The following CELF4 variants were observed in gnomAD, a reference collection of about 807,000 sequenced individuals.
The protein encoded by CELF4 is CUG-BP- and ETR-3-like factor 4.
CELF4 carries 18 observed loss-of-function variants against 59.9 expected under a neutral mutation model. The observed-to-expected ratio is 0.30, with a 90% CI of 0.21 to 0.45. CELF4 has a LOEUF of 0.45. CELF4 is among the 20% of genes least tolerant of loss of function. CELF4 has a pLI of 1.00. For synonymous variants in CELF4, 261 were observed against 267.1 expected (o/e 0.98, Z 0.22); for missense variants, 456 against 689.0 (o/e 0.66, Z 3.79).
chr18:37,520,647 C>T (rs1226351385), intron 1 of CELF4, among the ~76,000 whole-genome samples: 2 of 152,040 alleles, frequency 1.3e-5, no homozygotes. Flanking sequence ...CTGGCTGGTT[C>T]CCGTAATCAA....
intron 2 of CELF4, among the ~76,000 whole-genome samples, chr18:37,443,557 C>T (rs1603641296): frequency 6.6e-6 from 1 of 152,288 alleles, no homozygotes; most frequent in East Asian, 1.9e-4. Context: ...AGGACAATGA[C>T]ATCATCAGTG....
intron 3 of CELF4, among the ~76,000 whole-genome samples, chr18:37,287,219 G>T (rs1044257915): frequency 6.6e-6 from 1 of 152,092 alleles, no homozygotes; most frequent in East Asian, 1.9e-4. Context: ...ATACCAACAT[G>T]CAGGCAGGGC....
intron 1 of CELF4, among the ~76,000 whole-genome samples, chr18:37,528,681 T>C (rs1283771398): frequency 2.0e-5 from 3 of 152,114 alleles, no homozygotes; most frequent in African/African-American, 7.2e-5. Flanking sequence ...CACAGGAAAC[T>C]GCACCTTCTG....
intron 1 of CELF4, among the ~76,000 whole-genome samples, chr18:37,510,544 C>T (rs1350628550): frequency 6.6e-6 from 1 of 152,224 alleles, no homozygotes; most frequent in Non-Finnish European, 1.5e-5. Flanking sequence ...CTCTACCTCA[C>T]CAGGATGGTC....
Position 37,482,000 on chromosome 18 carries a change from G to T in CELF4, c.369+3525C>A, listed in dbSNP as rs116735436. ...ATGTAGGTAAAGTGCTTGGCATCATGCCTGTCATATAGTAAGCACTTAAAA... is the reference window on the plus strand; with the variant it reads ...ATGTAGGTAAAGTGCTTGGCATCATTCCTGTCATATAGTAAGCACTTAAAA... On this transcript the variant is annotated intron_variant, in intron 2 of 12. Coordinates refer to ENST00000420428, the MANE Select transcript of CELF4 (RefSeq NM_020180.4). Among the ~76,000 whole-genome samples the T allele has an allele frequency of 3.5e-3, 539 of 152,358 alleles. 4 individuals carry two copies. The highest frequency in any genetic ancestry group is 0.012 in the African/African-American group (506 of 41,586).
intron 1 of CELF4, among the ~76,000 whole-genome samples, chr18:37,554,465 A>G (rs2099984184): frequency 6.6e-6 from 1 of 152,160 alleles, no homozygotes; most frequent in African/African-American, 2.4e-5. Flanking sequence ...TACCTCAAGC[A>G]GCCCCATCTC....
At chr18:37,546,063 A>T (rs898496515) in intron 1 of CELF4, among the ~76,000 whole-genome samples, 3 of 152,098 alleles carry the variant, frequency 2.0e-5, no homozygotes, top group Non-Finnish European at 2.9e-5. Context: ...CCTCAAAAAG[A>T]CACCCACGCT....
At chr18:37,262,441 G>C (rs1212676428) in intron 10 of CELF4, among the ~76,000 whole-genome samples, 5 of 152,274 alleles carry the variant, frequency 3.3e-5, no homozygotes, top group Non-Finnish European at 7.4e-5. Context: ...CAGAGATGGA[G>C]AGAAGGAATG....
chr18:37,285,539 G>A (rs1415531334), intron 3 of CELF4, among the ~76,000 whole-genome samples: 2 of 152,180 alleles, frequency 1.3e-5, no homozygotes, highest in African/African-American at 4.8e-5. Flanking sequence ...CCCTCTGGGG[G>A]GCCAGGAATG....
At chr18:37,376,698 T>G (rs1438834056) in intron 2 of CELF4, among the ~76,000 whole-genome samples, 5 of 152,232 alleles carry the variant, frequency 3.3e-5, no homozygotes, top group African/African-American at 1.2e-4. Flanking sequence ...GGCAAGGCCC[T>G]GGGGCCCCCA....
intron 2 of CELF4, among the ~76,000 whole-genome samples, chr18:37,411,472 A>C (rs1414065938): frequency 6.6e-6 from 1 of 152,150 alleles, no homozygotes; most frequent in African/African-American, 2.4e-5. Context: ...TGTGCATGGC[A>C]AGAAAAATAG....
intron 2 of CELF4, among the ~76,000 whole-genome samples, chr18:37,427,860 A>G: frequency 6.6e-6 from 1 of 152,188 alleles, no homozygotes; most frequent in Admixed American, 6.5e-5. Flanking sequence ...GGCACTGAAG[A>G]CCTGGGTCTC....
At chr18:37,256,264 A>G (rs565124582) in intron 11 of CELF4, among the ~76,000 whole-genome samples, 95 of 152,310 alleles carry the variant, frequency 6.2e-4, no homozygotes, top group Middle Eastern at 6.8e-3. Flanking sequence ...ACATAGGAAC[A>G]TTTGTGCTAG....
At chr18:37,442,623 G>A (rs545224981) in intron 2 of CELF4, among the ~76,000 whole-genome samples, 35 of 152,112 alleles carry the variant, frequency 2.3e-4, no homozygotes, top group Non-Finnish European at 4.3e-4. Flanking sequence ...GCGACTCCCG[G>A]GAAGGTTGCT....
At chr18:37,465,388 C>T (rs1216642207) in intron 2 of CELF4, among the ~76,000 whole-genome samples, 68 of 152,186 alleles carry the variant, frequency 4.5e-4, no homozygotes, top group Admixed American at 4.4e-3. Context: ...TAGCTTAATG[C>T]TCTTCCAGGG....
Position 37,267,959 on chromosome 18 carries a change from C to T in CELF4, c.1100-1361G>A, listed in dbSNP as rs576648395. On this transcript the variant is annotated intron_variant, in intron 8 of 12. Coordinates refer to ENST00000420428, the MANE Select transcript of CELF4 (RefSeq NM_020180.4). The stretch of plus-strand genomic sequence containing the variant: ...GGCTGAGGCAGGAGAATCACTTGAA[C>T]CCGGGAGGCGGAGGTTGCAGTGAAC... Among the ~76,000 whole-genome samples the T allele has an allele frequency of 5.0e-4, 76 of 152,248 alleles. 2 individuals are homozygous for T. The South Asian group carries it at 0.015, about 31-fold the overall frequency.
intron 1 of CELF4, among the ~76,000 whole-genome samples, chr18:37,519,430 T>C (rs1455644603): frequency 6.6e-6 from 1 of 152,108 alleles, no homozygotes; most frequent in South Asian, 2.1e-4. Flanking sequence ...CTCCCCCTTC[T>C]GCAGGTCATC....
At position 37,565,669 on chromosome 18, in the gene CELF4, T is replaced by G; in HGVS notation, c.-28A>C. The G allele has an allele frequency of 6.5e-7, 1 of 1,549,866 alleles. No individual in the cohort carries two copies. The highest frequency in any genetic ancestry group is 2.3e-5 in the East Asian group (1 of 43,672). On this transcript the variant is annotated 5_prime_UTR_variant, in exon 1 of 13. Coordinates refer to ENST00000420428, the MANE Select transcript of CELF4 (RefSeq NM_020180.4). The stretch of plus-strand genomic sequence containing the variant: ...AGAAAATCTTCTTTCCTTTTATTCT[T>G]TCTCGCTCACACTCTCTCGCTCCTC...
At chr18:37,430,931 G>A (rs1399329425) in intron 2 of CELF4, among the ~76,000 whole-genome samples, 10 of 152,184 alleles carry the variant, frequency 6.6e-5, no homozygotes, top group South Asian at 6.2e-4. Flanking sequence ...GGGTAAGGCC[G>A]CCTCCCCCAC....
Sources: allele counts gnomAD v4.1 joint callset (sites outside exome capture counted in the v4.1 genomes callset), GRCh38; gene constraint gnomAD v4.1.1; transcripts MANE v1.5; gene names NCBI Gene and HGNC (gene_info 2026-07-23, HGNC 2026-07-21).